The following IDH2 variants were observed in gnomAD, a reference collection of about 807,000 sequenced individuals.
IDH2 encodes isocitrate dehydrogenase [NADP], mitochondrial.
Under a neutral mutation model 50.5 loss-of-function variants are expected in IDH2, and 18 were observed. That is an observed-to-expected ratio of 0.36 (90% CI 0.25 to 0.53). IDH2 has a LOEUF of 0.53. Among genes scored for constraint, IDH2 ranks in the 20% least tolerant of loss-of-function variants. The pLI is 0.92. For synonymous variants in IDH2, 280 were observed against 239.8 expected (o/e 1.17, Z -1.55); for missense variants, 518 against 610.7 (o/e 0.85, Z 1.60).
chr15:90,090,474 C>G lies in IDH2; in HGVS notation c.373+5G>C. ...CCTGGCCCGCCCACCTCCACACCCT[C>G]GCACCTTCCACACGGGCCTCATCAG... On this transcript the variant is annotated splice_donor_5th_base_variant and intron_variant, in intron 3 of 10. Coordinates refer to ENST00000330062, the MANE Select transcript of IDH2 (RefSeq NM_002168.4). 6.2e-7 allele frequency: 1 copy of G among 1,612,918 alleles called. No homozygotes were observed. Among genetic ancestry groups the G allele is most frequent in the Non-Finnish European group, 8.5e-7 (1 of 1,179,986 alleles).
At position 90,085,914 on chromosome 15, in the gene IDH2, C is replaced by A. The variant is rs1900848113; in HGVS notation, c.968-527G>T. On this transcript the variant is annotated intron_variant, in intron 7 of 10. Transcript: ENST00000330062. The surrounding 1 kb of genome is among the most constrained non-coding windows in gnomAD (Gnocchi z 5.5). ...GTCAAGGACTCCAGGGCTTCAAAGG[C>A]ACCCCCATGACACCAAAATAAGGAT... Among the ~76,000 whole-genome samples the A allele has an allele frequency of 6.6e-6, 1 of 152,222 alleles. No individual in the cohort carries two copies.
At chr15:90,093,404 T>A (rs1901096348) in intron 1 of IDH2, among the ~76,000 whole-genome samples, 1 of 152,164 alleles carries the variant, frequency 6.6e-6, no homozygotes, top group Non-Finnish European at 1.5e-5. Context: ...TAAAATCCTC[T>A]CCAAGTTAAC....
At chr15:90,102,137 C>T in intron 1 of IDH2, 139 bp downstream of exon 1, 1 of 335,824 alleles carries the variant, frequency 3.0e-6, no homozygotes. Flanking sequence ...AGCGAAGCTG[C>T]CCCGCGGCCC....
At chr15:90,088,100 TTTC>T (rs1900919722) in intron 5 of IDH2, among the ~76,000 whole-genome samples, 1 of 151,994 alleles carries the variant, frequency 6.6e-6, no homozygotes, top group Non-Finnish European at 1.5e-5. Context: ...TTTCTTTTCT[TTTC>T]TTTTCTTTTT....
At position 90,102,322 on chromosome 15, in the gene IDH2, C is replaced by A; in HGVS notation, c.69G>T (p.Pro23=). 1 of 1,357,808 alleles carries A rather than the reference C, an allele frequency of 7.4e-7. No homozygotes were observed. The allele number at this position is 1,357,808 out of a possible 1,614,324, so 84.1% of individuals were successfully genotyped here. Residue 23 remains proline (P), a synonymous_variant, in exon 1 of 11, where the codon CCG becomes CCT. Coordinates refer to ENST00000330062, the MANE Select transcript of IDH2 (RefSeq NM_002168.4). ...GCGAGGTGGGGGCTGTCAGGGCCGC[C>A]GGCGCCCAGGCCGGCCGCGAGCCTG... ...RASGSRPAWA[P]AALTAPTSQE...
intron 1 of IDH2, among the ~76,000 whole-genome samples, chr15:90,101,236 G>C (rs1901323120): frequency 6.6e-6 from 1 of 152,146 alleles, no homozygotes; most frequent in Non-Finnish European, 1.5e-5. Context: ...GGCCAGGTCA[G>C]GGCCAGCGGG....
In IDH2 at chr15:90,098,333, G is replaced by C. The variant is rs925418243; in HGVS notation, c.115+3943C>G. 6.6e-6 allele frequency among the ~76,000 whole-genome samples: 1 copy of C among 152,166 alleles called. No homozygotes were observed. The highest frequency in any genetic ancestry group is 1.5e-5 in the Non-Finnish European group (1 of 68,038). On this transcript the variant is annotated intron_variant, in intron 1 of 10. Coordinates refer to ENST00000330062, the MANE Select transcript of IDH2 (RefSeq NM_002168.4). This position sits in a 1 kb window ranked among gnomAD's most constrained non-coding sequence, Gnocchi z 5.1. ...TTGCTGCTCCCAGCAGGAGGCTAGA[G>C]GTCCAGCCGCAGGCAGCCAGCCCCA... is the stretch of plus-strand genomic sequence containing the variant.
rs1234438811 is a variant in IDH2, at chr15:90,102,362, G to A, written c.29C>T (p.Ser10Leu). 20 of 1,367,756 alleles carry A rather than the reference G, an allele frequency of 1.5e-5. No homozygotes were observed. Among genetic ancestry groups the A allele is most frequent in the East Asian group, 9.6e-5 (3 of 31,354 alleles). The allele number at this position is 1,367,756 out of a possible 1,614,324, so 84.7% of individuals were successfully genotyped here. Residue 10 changes from serine (S) to leucine (L), a missense_variant, in exon 1 of 11, where the codon TCG becomes TTG. Ser to Leu is a moderately radical substitution (Grantham distance 145). This residue lies in a region of IDH2 where 85 missense variants were observed against 66.9 expected (regional missense o/e 1.27). Transcript: ENST00000330062. MAGYLRVVR[S>L]LCRASGSRPA... ...CCGCGAGCCTGAGGCTCTGCAGAGC[G>A]AGCGCACGACCCGCAGGTAGCCGGC...
Position 90,085,257 on chromosome 15 carries a change from C to G in IDH2, c.1080+18G>C, listed in dbSNP as rs1361777365. On this transcript the variant is annotated intron_variant, in intron 8 of 10. Coordinates refer to ENST00000330062, the MANE Select transcript of IDH2 (RefSeq NM_002168.4). The surrounding 1 kb of genome is among the most constrained non-coding windows in gnomAD (Gnocchi z 5.5). ...CTGGGGTAGAGGGGCATTGTGAGGC[C>G]CCATGCCCTGCACTCACCTTCTGGT... is the stretch of plus-strand genomic sequence containing the variant. 9.7e-6 allele frequency: 15 copies of G among 1,541,242 alleles called. No homozygotes were observed. The highest frequency in any genetic ancestry group is 1.3e-5 in the Non-Finnish European group (15 of 1,134,168).
intron 5 of IDH2, 89 bp downstream of exon 5, chr15:90,088,270 G>A: frequency 2.6e-6 from 4 of 1,515,760 alleles, no homozygotes; most frequent in African/African-American, 1.4e-5. Context: ...CTAAGAATGA[G>A]GCCATTACAG....
chr15:90,083,066 G>A lies in IDH2; in HGVS notation c.*1200C>T, dbSNP rs1361857922. On this transcript the variant is annotated 3_prime_UTR_variant, in exon 11 of 11. Transcript: ENST00000330062. ...GTCCTTTTGATTATATGTAGCTTTA[G>A]AGCAACTTTTATTTTTCCTTTTTAC... The A allele has an allele frequency of 6.8e-6, 1 of 147,956 alleles. No homozygotes were observed. The highest frequency in any genetic ancestry group is 2.5e-5 in the African/African-American group (1 of 40,164). 9.2% of individuals were successfully genotyped at this position (147,956 alleles called of 1,614,324 possible).
At position 90,085,311 on chromosome 15, in the gene IDH2, A is replaced by G. The variant is rs1596072347; in HGVS notation, c.1044T>C (p.His348=). 3 of 1,549,668 alleles carry G rather than the reference A, an allele frequency of 1.9e-6. No individual in the cohort carries two copies. The highest frequency in any genetic ancestry group is 2.6e-6 in the Non-Finnish European group (3 of 1,147,066). Reference sequence around the variant, plus strand: ...CCCGATAGTGGCGGGTGACGGTCCCATGAGCGGCCTCAGCCTCAATCGTCT... The same window carrying G: ...CCCGATAGTGGCGGGTGACGGTCCCGTGAGCGGCCTCAGCCTCAATCGTCT... The part of the protein sequence containing the change: ...DGKTIEAEAA[H]GTVTRHYREH... The change falls in exon 8 of 11, where the codon CAT becomes CAC. Residue 348 remains histidine, a synonymous_variant. Coordinates refer to ENST00000330062, the MANE Select transcript of IDH2 (RefSeq NM_002168.4). The surrounding 1 kb of genome is among the most constrained non-coding windows in gnomAD (Gnocchi z 5.5).
At chr15:90,093,032 T>C (rs1901085271) in intron 1 of IDH2, among the ~76,000 whole-genome samples, 1 of 152,186 alleles carries the variant, frequency 6.6e-6, no homozygotes, top group South Asian at 2.1e-4. Context: ...CAGTCTGGCC[T>C]GTCAGACCCT....
At chr15:90,088,251 CTT>C in intron 5 of IDH2, 106 bp downstream of exon 5, 6 of 1,439,192 alleles carry the variant, frequency 4.2e-6, no homozygotes, top group Non-Finnish European at 5.8e-6. Flanking sequence ...ATTTCTGCCT[CTT>C]TGTGGCCTAA....
In IDH2 at chr15:90,084,690, G is replaced by T; in HGVS notation, c.1271+126C>A. 2 of 819,562 alleles carry T rather than the reference G, an allele frequency of 2.4e-6. No homozygotes were observed. The highest frequency in any genetic ancestry group is 1.4e-5 in the South Asian group (1 of 73,694). 50.8% of individuals were successfully genotyped at this position (819,562 alleles called of 1,614,324 possible). On this transcript the variant is annotated intron_variant, in intron 10 of 10. Transcript: ENST00000330062. This position sits in a 1 kb window ranked among gnomAD's most constrained non-coding sequence, Gnocchi z 5.0. ...AGGCTGGCCTGAGCAGTCTCTCAGG[G>T]CTGTGGACATGTCCTGCCCCAGGCC...
rs751178080 is a variant in IDH2 at position 90,085,395 on chromosome 15, G to GTT, written c.968-9_968-8insAA. ...GGCCAAGGGAGCCAAAGCCTGGAGGGTAGAAAGCCTTTCTCTCAGGGCCTC... is the reference window on the plus strand; with the variant it reads ...GGCCAAGGGAGCCAAAGCCTGGAGGGTTTAGAAAGCCTTTCTCTCAGGGCCTC... On this transcript the variant is annotated splice_polypyrimidine_tract_variant and intron_variant, in intron 7 of 10. Transcript: ENST00000330062. The surrounding 1 kb of genome is among the most constrained non-coding windows in gnomAD (Gnocchi z 5.5). 9 of 1,547,466 alleles carry GTT rather than the reference G, an allele frequency of 5.8e-6. No homozygotes were observed. The highest frequency in any genetic ancestry group is 2.0e-5 in the Admixed American group (1 of 51,126).
At chr15:90,090,675 C>T in intron 2 of IDH2, 31 bp from the exon 3 acceptor site, 2 of 1,612,016 alleles carry the variant, frequency 1.2e-6, no homozygotes, top group East Asian at 4.5e-5. Flanking sequence ...CAAGGCGTCA[C>T]CCCAGTGACT....
intron 3 of IDH2, 72 bp from the exon 4 acceptor site, chr15:90,088,819 C>T (rs1900949197): frequency 1.3e-6 from 2 of 1,542,144 alleles, no homozygotes; most frequent in Non-Finnish European, 1.8e-6. Flanking sequence ...CCCCAAGCAA[C>T]AACACAGCCA....
intron 1 of IDH2, among the ~76,000 whole-genome samples, chr15:90,093,211 G>C (rs1181305505): frequency 5.2e-5 from 4 of 77,200 alleles, no homozygotes; most frequent in African/African-American, 2.0e-4. Flanking sequence ...TTTAGAGTCA[G>C]GGTCTCTTTA....
Sources: gnomAD v4.1 joint callset for allele counts (sites outside exome capture counted in the v4.1 genomes callset) on GRCh38, gnomAD v4.1.1 for gene constraint, gnomAD v4.1.1 regional missense constraint, Gnocchi (gnomAD v3.1) non-coding constraint, MANE v1.5 for transcripts, NCBI Gene and HGNC (gene_info 2026-07-23, HGNC 2026-07-21) for gene names.